ZZEF1: variants seen among roughly 807,000 people sequenced by gnomAD.
ZZEF1 encodes zinc finger ZZ-type and EF-hand domain containing 1.
A neutral mutation model predicts 342.8 loss-of-function variants in ZZEF1; 157 were observed. That is an observed-to-expected ratio of 0.46 (90% CI 0.40 to 0.52). The LOEUF is 0.52. Ranked by LOEUF, ZZEF1 falls within the 20% of genes least tolerant of loss-of-function variation. The pLI, the probability that ZZEF1 is intolerant of heterozygous loss-of-function variation, is 0.00. For missense variants in ZZEF1, 3,480 were observed against 3,725.6 expected (o/e 0.93, Z 1.72); for synonymous variants, 1,505 against 1,429.1 (o/e 1.05, Z -1.20).
At chr17:4,069,909 T>C (rs941491354) in intron 26 of ZZEF1, among the ~76,000 whole-genome samples, 2 of 152,202 alleles carry the variant, frequency 1.3e-5, no homozygotes, top group African/African-American at 4.8e-5. Flanking sequence ...TTTTTGCTTC[T>C]CCCGCCTGCG....
At chr17:4,065,573 A>G (rs547900915) in intron 28 of ZZEF1, among the ~76,000 whole-genome samples, 1 of 152,162 alleles carries the variant, frequency 6.6e-6, no homozygotes, top group South Asian at 2.1e-4. Flanking sequence ...ATGTATATAG[A>G]GAAAATACCA....
At chr17:4,134,182 TAAGAA>T (rs796857532) in intron 1 of ZZEF1, among the ~76,000 whole-genome samples, 7 of 151,754 alleles carry the variant, frequency 4.6e-5, no homozygotes, top group African/African-American at 1.7e-4. Context: ...CTGACTGTCT[TAAGAA>T]AAGAAATGTT....
intron 30 of ZZEF1, among the ~76,000 whole-genome samples, chr17:4,060,134 G>A (rs1037918435): frequency 5.3e-5 from 8 of 152,154 alleles, no homozygotes; most frequent in African/African-American, 1.9e-4. Context: ...TATCAAAACA[G>A]CTGAATGTCA....
intron 11 of ZZEF1, among the ~76,000 whole-genome samples, chr17:4,092,099 A>G (rs2057955885): frequency 6.6e-6 from 1 of 150,686 alleles, no homozygotes; most frequent in African/African-American, 2.4e-5. Context: ...AATAATAAAA[A>G]TAATATAAAT....
In ZZEF1 at chr17:4,021,195, G is replaced by C; in HGVS notation, c.7338C>G (p.Gly2446=). 6.2e-7 allele frequency: 1 copy of C among 1,614,036 alleles called. No individual in the cohort carries two copies. Among genetic ancestry groups the C allele is most frequent in the East Asian group, 2.2e-5 (1 of 44,872 alleles). Residue 2446 remains glycine (G), a synonymous_variant, in exon 45 of 55, where the codon GGC becomes GGG. Transcript: ENST00000381638. ...EEVERPVSSP[G]DPEQKKLDPL... ...GGTCCAGCTTTTTCTGCTCTGGGTC[G>C]CCAGGGCTGCTGACTGGCCGTTCCA...
intron 42 of ZZEF1, among the ~76,000 whole-genome samples, chr17:4,028,037 AT>A (rs1476912125): frequency 1.3e-5 from 2 of 151,790 alleles, no homozygotes; most frequent in African/African-American, 4.8e-5. Flanking sequence ...TTGCTCTAGG[AT>A]TTACAGTAGT....
chr17:4,017,988 C>A lies in ZZEF1; in HGVS notation c.7506-17G>T. 1 of 1,612,034 alleles carries A rather than the reference C, an allele frequency of 6.2e-7. No individual in the cohort carries two copies. Among genetic ancestry groups the A allele is most frequent in the East Asian group, 2.2e-5 (1 of 44,884 alleles). On this transcript the variant is annotated splice_polypyrimidine_tract_variant and intron_variant, in intron 46 of 54. Transcript: ENST00000381638. This position sits in a 1 kb window ranked among gnomAD's most constrained non-coding sequence, Gnocchi z 5.1. ...CCATCAAACCTGCAGAAGGGCAGCA[C>A]AAAGTTGAGTACCAACAGTGTAGAC... is the stretch of plus-strand genomic sequence containing the variant.
chr17:4,075,408 G>C lies in ZZEF1; in HGVS notation c.3256C>G (p.Gln1086Glu). Reference sequence around the variant, plus strand: ...GTATGTAACACCACAGGCTGTTCCTGTTGCCAGGTCTCAACATCCAGCTAT... The same window carrying C: ...GTATGTAACACCACAGGCTGTTCCTCTTGCCAGGTCTCAACATCCAGCTAT... ...LRKLDVETWQ[Q>E]EQPVVLHTWT... Residue 1086 changes from glutamine to glutamate, a missense_variant, in exon 22 of 55, where the codon CAG (glutamine) becomes GAG (glutamate). This residue lies in a region of ZZEF1 where 1,528 missense variants were observed against 1,624.1 expected (regional missense o/e 0.94). Transcript: ENST00000381638. The C allele has an allele frequency of 6.2e-7, 1 of 1,613,962 alleles. No individual in the cohort carries two copies. The highest frequency in any genetic ancestry group is 8.5e-7 in the Non-Finnish European group (1 of 1,179,952).
At chr17:4,075,765 A>G (rs918358623) in intron 21 of ZZEF1, among the ~76,000 whole-genome samples, 2 of 140,242 alleles carry the variant, frequency 1.4e-5, no homozygotes, top group Non-Finnish European at 1.5e-5. Context: ...TCACATTCCT[A>G]CCTGGGACAC....
intron 52 of ZZEF1, among the ~76,000 whole-genome samples, chr17:4,012,530 T>A (rs1478972246): frequency 6.6e-6 from 1 of 152,202 alleles, no homozygotes. Flanking sequence ...GGGAGGGTTC[T>A]GAGCAAGGAG....
chr17:4,044,454 T>C lies in ZZEF1; in HGVS notation c.6016-80A>G, dbSNP rs182956611. The C allele has an allele frequency of 1.0e-4, 142 of 1,353,040 alleles. No individual in the cohort carries two copies. In the African/African-American group the frequency reaches 1.8e-3, roughly 17 times the overall value. The allele number at this position is 1,353,040 out of a possible 1,614,324, so 83.8% of individuals were successfully genotyped here. ...ATGATTATGATAACTTTTTAATGATTAGCCAGTCTTCATAGACTAAAAAAC... is the reference window on the plus strand; with the variant it reads ...ATGATTATGATAACTTTTTAATGATCAGCCAGTCTTCATAGACTAAAAAAC... On this transcript the variant is annotated intron_variant, in intron 37 of 54. Coordinates refer to ENST00000381638, the MANE Select transcript of ZZEF1 (RefSeq NM_015113.4).
intron 1 of ZZEF1, among the ~76,000 whole-genome samples, chr17:4,138,328 A>C (rs770437460): frequency 1.1e-4 from 17 of 152,198 alleles, no homozygotes; most frequent in Admixed American, 3.9e-4. Context: ...TAGTTGATTA[A>C]TACTTTTCAC....
In ZZEF1 at chr17:4,013,518, C is replaced by A; in HGVS notation, c.8510G>T (p.Arg2837Leu). The A allele has an allele frequency of 1.9e-6, 3 of 1,614,012 alleles. No individual in the cohort carries two copies. Among genetic ancestry groups the A allele is most frequent in the Non-Finnish European group, 2.5e-6 (3 of 1,179,940 alleles). ...TTTTAATCGTTGATGGCCAGTCTGG[C>A]GACAGGCCACGCCCACCAGCCATTC... Reference protein sequence around the residue: ...IWEWLVGVACRQTGHQRLKAI... With the variant: ...IWEWLVGVACLQTGHQRLKAI... Residue 2837 changes from arginine (R) to leucine (L), a missense_variant, in exon 52 of 55, where the codon CGC becomes CTC. Transcript: ENST00000381638.
chr17:4,070,683 C>T lies in ZZEF1; in HGVS notation c.4075+1G>A. Reference sequence around the variant, plus strand: ...AAAAATATTCCCTGTAATAAAGTTACCATATTTTTGCAGCTTCTCATATAA... The same window carrying T: ...AAAAATATTCCCTGTAATAAAGTTATCATATTTTTGCAGCTTCTCATATAA... On this transcript the variant is annotated splice_donor_variant, in intron 26 of 54. Transcript: ENST00000381638. LOFTEE classifies it high-confidence loss of function. 1 of 1,613,140 alleles carries T rather than the reference C, an allele frequency of 6.2e-7. No individual in the cohort carries two copies. The highest frequency in any genetic ancestry group is 8.5e-7 in the Non-Finnish European group (1 of 1,179,480).
At chr17:4,137,342 G>A (rs2058764861) in intron 1 of ZZEF1, among the ~76,000 whole-genome samples, 2 of 152,206 alleles carry the variant, frequency 1.3e-5, no homozygotes, top group African/African-American at 4.8e-5. Flanking sequence ...CAGGTGCGAT[G>A]GCTCATGCCT....
chr17:4,072,131 T>A (rs1177295626), intron 25 of ZZEF1, among the ~76,000 whole-genome samples: 4 of 151,484 alleles, frequency 2.6e-5, no homozygotes, highest in Non-Finnish European at 5.9e-5. Context: ...CTGAATAACG[T>A]GGGGCAGGGC....
intron 39 of ZZEF1, among the ~76,000 whole-genome samples, chr17:4,034,761 C>T (rs998472236): frequency 6.6e-6 from 1 of 152,154 alleles, no homozygotes; most frequent in African/African-American, 2.4e-5. Flanking sequence ...CTCTGGGAGG[C>T]CAAGGCGGGA....
chr17:4,084,081 G>C (rs528789743), intron 16 of ZZEF1, among the ~76,000 whole-genome samples: 2 of 152,136 alleles, frequency 1.3e-5, no homozygotes, highest in South Asian at 2.1e-4. Flanking sequence ...CAACATCAAA[G>C]AGAAGCAACG....
At chr17:4,091,936 C>T (rs2057950301) in intron 11 of ZZEF1, among the ~76,000 whole-genome samples, 1 of 151,436 alleles carries the variant, frequency 6.6e-6, no homozygotes, top group African/African-American at 2.4e-5. Context: ...ATTAGCCAGG[C>T]GTGGTGGTGC....
Sources: allele counts gnomAD v4.1 joint callset (sites outside exome capture counted in the v4.1 genomes callset), GRCh38; gene constraint gnomAD v4.1.1; regional missense constraint gnomAD v4.1.1; non-coding constraint Gnocchi (gnomAD v3.1); transcripts MANE v1.5; gene names NCBI Gene and HGNC (gene_info 2026-07-23, HGNC 2026-07-21).